CCDC73: variants seen among roughly 807,000 people sequenced by gnomAD.
The protein encoded by CCDC73 is coiled-coil domain containing 73.
A neutral mutation model predicts 116.5 loss-of-function variants in CCDC73; 95 were observed. The ratio of observed to expected loss-of-function variants is 0.82; its 90% CI spans 0.69 to 0.97. The LOEUF is 0.97. Ranked by LOEUF, CCDC73 falls within the 50% of genes least tolerant of loss-of-function variation. The pLI, the probability that CCDC73 is intolerant of heterozygous loss-of-function variation, is 0.00. For synonymous variants in CCDC73, 398 were observed against 401.3 expected, an observed-to-expected ratio of 0.99 and a Z score of 0.10; for missense variants, 1,066 against 1,206.8, an observed-to-expected ratio of 0.88 and a Z score of 1.73.
intron 9 of CCDC73, among the ~76,000 whole-genome samples, chr11:32,657,654 TAAAGAG>T (rs1005205270): frequency 5.1e-4 from 78 of 152,126 alleles, no homozygotes; most frequent in African/African-American, 1.8e-3. Context: ...CAGTAGGCTA[TAAAGAG>T]AAAGAGAATG....
chr11:32,606,806 C>CTTTTTTTTT (rs10591021), intron 17 of CCDC73, among the ~76,000 whole-genome samples: 1 of 101,062 alleles, frequency 9.9e-6, no homozygotes. Context: ...AAAATAAATT[C>CTTTTTTTTT]TTTTTTTTTT....
chr11:32,742,654 G>A (rs1169227071), intron 2 of CCDC73, among the ~76,000 whole-genome samples: 1 of 152,162 alleles, frequency 6.6e-6, no homozygotes, highest in East Asian at 1.9e-4. Context: ...AAGTTCTTTA[G>A]TTTAATTAGA....
chr11:32,610,675 C>T (rs952591734), intron 17 of CCDC73, among the ~76,000 whole-genome samples: 2 of 152,180 alleles, frequency 1.3e-5, no homozygotes, highest in Non-Finnish European at 2.9e-5. Flanking sequence ...TACAGTATCA[C>T]ATGGATACTT....
intron 6 of CCDC73, among the ~76,000 whole-genome samples, chr11:32,689,604 G>C (rs921561670): frequency 6.6e-6 from 1 of 151,744 alleles, no homozygotes; most frequent in African/African-American, 2.4e-5. Context: ...ATTTTTAAAA[G>C]CACCAAATAG....
chr11:32,811,645 C>A, the CCDC73 span, among the ~76,000 whole-genome samples: 1 of 152,132 alleles, frequency 6.6e-6, no homozygotes. Flanking sequence ...TGTCAGAAGG[C>A]AAAGGGGGGA....
chr11:32,639,308 G>A (rs539453230), intron 13 of CCDC73, among the ~76,000 whole-genome samples: 1 of 152,232 alleles, frequency 6.6e-6, no homozygotes, highest in South Asian at 2.1e-4. Flanking sequence ...GCACTATTGT[G>A]ATTAATTCCA....
rs1347627020 is a variant in CCDC73, at chr11:32,675,932, A to T, written c.519T>A (p.Gly173=). 1.9e-6 allele frequency: 3 copies of T among 1,609,144 alleles called. No homozygotes were observed. Among genetic ancestry groups the T allele is most frequent in the Non-Finnish European group, 2.5e-6 (3 of 1,178,190 alleles). The change falls in exon 8 of 18, where the codon GGT becomes GGA. Residue 173 remains glycine (G), a synonymous_variant. Coordinates refer to ENST00000335185, the MANE Select transcript of CCDC73 (RefSeq NM_001008391.4). ...GATTCTCTTTTACCAATCCAAATTGACCTGTTATTGTGGCATAATATTTCT... is the reference window on the plus strand; with the variant it reads ...GATTCTCTTTTACCAATCCAAATTGTCCTGTTATTGTGGCATAATATTTCT... ...EIEKYYATIT[G]QFGLVKENHE... is the part of the protein sequence containing the mutation.
intron 3 of CCDC73, among the ~76,000 whole-genome samples, chr11:32,709,321 T>C (rs1353386642): frequency 6.6e-6 from 1 of 152,226 alleles, no homozygotes; most frequent in Non-Finnish European, 1.5e-5. Context: ...GTTTTTGAGA[T>C]GGAATCTTAC....
At chr11:32,681,702 T>C (rs891125800) in intron 7 of CCDC73, 1 of 151,896 alleles carries the variant, frequency 6.6e-6, no homozygotes, top group Non-Finnish European at 1.5e-5. Flanking sequence ...GTCTTGCCCA[T>C]AGAACCAAAT....
At chr11:32,670,869 A>G (rs1856031990) in intron 9 of CCDC73, among the ~76,000 whole-genome samples, 1 of 152,176 alleles carries the variant, frequency 6.6e-6, no homozygotes, top group South Asian at 2.1e-4. Flanking sequence ...GGTATAGAAA[A>G]TCAGTATATG....
At chr11:32,646,553 C>T (rs993549097) in intron 12 of CCDC73, among the ~76,000 whole-genome samples, 1 of 152,206 alleles carries the variant, frequency 6.6e-6, no homozygotes. Context: ...TTGTCTTCTA[C>T]GTTCCAGTGT....
chr11:32,755,883 GTATATATCTCCATATATA>G lies in CCDC73; in HGVS notation c.135+4208_135+4225del, dbSNP rs1565094376. On this transcript the variant is annotated intron_variant, in intron 2 of 17. Transcript: ENST00000335185. ...TATATATCTCCATATATATATCTGTGTATATATCTCCATATATATCTATATATATCTCCATATATATAT... is the reference window on the plus strand; with the variant it reads ...TATATATCTCCATATATATATCTGTGTCTATATATATCTCCATATATATAT... Among the ~76,000 whole-genome samples the G allele has an allele frequency of 2.9e-4, 17 of 57,636 alleles. 4 individuals carry two copies. The highest frequency in any genetic ancestry group is 1.2e-3 in the African/African-American group (16 of 13,618). The allele number at this position is 57,636 out of a possible 152,430, so 37.8% of individuals were successfully genotyped here.
At chr11:32,616,300 A>T (rs1223198434) in intron 14 of CCDC73, among the ~76,000 whole-genome samples, 171 bp from the exon 15 acceptor site, 2 of 152,206 alleles carry the variant, frequency 1.3e-5, no homozygotes, top group Non-Finnish European at 2.9e-5. Flanking sequence ...TTATAACGAT[A>T]TCACTTTACA....
chr11:32,813,714 G>A, the CCDC73 span, among the ~76,000 whole-genome samples: 10 of 152,164 alleles, frequency 6.6e-5, no homozygotes, highest in South Asian at 2.1e-3. Flanking sequence ...TGTATAAATT[G>A]TAAATTGTCC....
intron 17 of CCDC73, among the ~76,000 whole-genome samples, chr11:32,610,351 A>G (rs182128259): frequency 6.6e-6 from 1 of 152,144 alleles, no homozygotes; most frequent in African/African-American, 2.4e-5. Flanking sequence ...TTTTGTCTCA[A>G]CTCTCCCAGA....
intron 2 of CCDC73, among the ~76,000 whole-genome samples, chr11:32,745,745 G>GT (rs140610634): frequency 0.12 from 13,623 of 113,696 alleles, 857 homozygotes; most frequent in Non-Finnish European, 0.16. Context: ...GTTTGTTTTG[G>GT]TTTTTTTTTT....
chr11:32,826,290 G>T, the CCDC73 span, among the ~76,000 whole-genome samples: 6 of 152,154 alleles, frequency 3.9e-5, no homozygotes, highest in Non-Finnish European at 2.9e-5. Flanking sequence ...GAAATGTCAA[G>T]GCTAAAATGT....
At chr11:32,724,344 A>G (rs953726159) in intron 2 of CCDC73, among the ~76,000 whole-genome samples, 1 of 152,148 alleles carries the variant, frequency 6.6e-6, no homozygotes, top group Non-Finnish European at 1.5e-5. Flanking sequence ...TCATGATTCT[A>G]TTATGATACA....
At chr11:32,606,021 A>T (rs909985227) in intron 17 of CCDC73, 6 of 152,168 alleles carry the variant, frequency 3.9e-5, no homozygotes, top group Non-Finnish European at 8.8e-5. Context: ...ATATAAAAAA[A>T]AAAGTAAGTG....
Sources: allele counts gnomAD v4.1 joint callset (sites outside exome capture counted in the v4.1 genomes callset), GRCh38; gene constraint gnomAD v4.1.1; transcripts MANE v1.5; gene names NCBI Gene and HGNC (gene_info 2026-07-23, HGNC 2026-07-21).